Variants in SLC28A3 observed in about 807,000 individuals in gnomAD.
SLC28A3 encodes solute carrier family 28 member 3.
In SLC28A3, 68 loss-of-function variants were observed where a neutral mutation model predicts 84.2. That is an observed-to-expected ratio of 0.81 (90% CI 0.66 to 0.99). The LOEUF (loss-of-function observed/expected upper bound fraction) is 0.99, where lower values mean the gene tolerates loss of function less well. Among genes scored for constraint, SLC28A3 ranks in the 50% least tolerant of loss-of-function variants. The pLI is 0.00. For synonymous variants in SLC28A3, 267 were observed against 303.6 expected, an observed-to-expected ratio of 0.88 and a Z score of 1.25; for missense variants, 712 against 841.5, an observed-to-expected ratio of 0.85 and a Z score of 1.90.
the SLC28A3 span, among the ~76,000 whole-genome samples, chr9:84,347,654 C>A: frequency 6.6e-6 from 1 of 152,144 alleles, no homozygotes; most frequent in Admixed American, 6.5e-5. Context: ...CTTTGAAATC[C>A]TCAAAAAGTG....
At chr9:84,356,755 C>T in the SLC28A3 span, among the ~76,000 whole-genome samples, 1 of 151,820 alleles carries the variant, frequency 6.6e-6, no homozygotes, top group Non-Finnish European at 1.5e-5. Context: ...CACTTGAACC[C>T]GGGAAGCAGA....
At chr9:84,344,600 T>C (rs1416976460), upstream of SLC28A3, among the ~76,000 whole-genome samples, 3 of 152,194 alleles carry the variant, frequency 2.0e-5, no homozygotes, top group East Asian at 3.9e-4. Context: ...ACATGTTTCT[T>C]TGACATATTT....
chr9:84,362,986 CTG>C, the SLC28A3 span, among the ~76,000 whole-genome samples: 1 of 152,076 alleles, frequency 6.6e-6, no homozygotes, highest in South Asian at 2.1e-4. Flanking sequence ...TCTGGAATAA[CTG>C]TAATGTAATA....
chr9:84,302,866 A>G (rs997257801), intron 4 of SLC28A3, among the ~76,000 whole-genome samples: 1 of 152,188 alleles, frequency 6.6e-6, no homozygotes, highest in Non-Finnish European at 1.5e-5. Context: ...TAAGTGACAC[A>G]GAGTCTCTAA....
intron 1 of SLC28A3, among the ~76,000 whole-genome samples, chr9:84,316,229 C>G (rs1432504619): frequency 1.3e-5 from 2 of 152,182 alleles, no homozygotes; most frequent in African/African-American, 4.8e-5. Flanking sequence ...CATATAATAA[C>G]TTCTAGAACA....
intron 3 of SLC28A3, among the ~76,000 whole-genome samples, chr9:84,306,652 A>G (rs1036648960): frequency 6.6e-6 from 1 of 152,130 alleles, no homozygotes; most frequent in South Asian, 2.1e-4. Flanking sequence ...AGAACTTCTC[A>G]GTCCCCCAGG....
At chr9:84,285,145 G>A (rs539385460) in intron 14 of SLC28A3, among the ~76,000 whole-genome samples, 200 bp downstream of exon 14, 7 of 152,194 alleles carry the variant, frequency 4.6e-5, no homozygotes, top group Middle Eastern at 3.4e-3. Context: ...ACACACACAC[G>A]CACACTCTAA....
intron 1 of SLC28A3, among the ~76,000 whole-genome samples, chr9:84,323,565 C>T (rs2118523997): frequency 6.6e-6 from 1 of 152,048 alleles, no homozygotes; most frequent in South Asian, 2.1e-4. Flanking sequence ...GCTGGGAGTA[C>T]AGGCGTGTGC....
At chr9:84,347,227 A>AAAAG in the SLC28A3 span, among the ~76,000 whole-genome samples, 2,074 of 131,684 alleles carry the variant, frequency 0.016, 127 homozygotes, top group African/African-American at 0.065. Context: ...AAAAAAAAAA[A>AAAAG]AAGGGAAGAA....
chr9:84,331,480 T>TA (rs1408725627), intron 1 of SLC28A3, among the ~76,000 whole-genome samples: 1 of 152,210 alleles, frequency 6.6e-6, no homozygotes, highest in East Asian at 1.9e-4. Context: ...GACTTACACT[T>TA]ACATGATCTC....
At chr9:84,286,152 G>A in intron 12 of SLC28A3, 41 bp from the exon 13 acceptor site, 1 of 1,590,510 alleles carries the variant, frequency 6.3e-7, no homozygotes, top group East Asian at 2.2e-5. Flanking sequence ...CCAAGGAGTT[G>A]TCAGGGGATG....
intron 9 of SLC28A3, 130 bp downstream of exon 9, chr9:84,294,065 A>G: frequency 1.4e-6 from 1 of 722,602 alleles, no homozygotes; most frequent in Non-Finnish European, 2.3e-6. Context: ...CTAATCACTT[A>G]GGTGGTGATG....
intron 4 of SLC28A3, among the ~76,000 whole-genome samples, chr9:84,302,721 G>A (rs779785924): frequency 2.6e-5 from 4 of 152,140 alleles, no homozygotes; most frequent in Non-Finnish European, 5.9e-5. Context: ...AGTCTCGGCA[G>A]GTGAGCTACT....
At chr9:84,304,085 T>A (rs1825714892) in intron 4 of SLC28A3, among the ~76,000 whole-genome samples, 1 of 152,238 alleles carries the variant, frequency 6.6e-6, no homozygotes, top group South Asian at 2.1e-4. Flanking sequence ...CGTGATTGAT[T>A]CTTCAGTTGA....
At chr9:84,346,181 C>A in the SLC28A3 span, among the ~76,000 whole-genome samples, 1 of 152,198 alleles carries the variant, frequency 6.6e-6, no homozygotes, top group Non-Finnish European at 1.5e-5. Context: ...AATTCCTATA[C>A]CCCGTTCTGT....
Position 84,340,751 on chromosome 9 carries a change from T to C in SLC28A3, c.-118A>G. The C allele has an allele frequency of 1.7e-6, 2 of 1,181,902 alleles. No individual in the cohort carries two copies. Among genetic ancestry groups the C allele is most frequent in the Non-Finnish European group, 2.5e-6 (2 of 814,700 alleles). 73.2% of individuals were successfully genotyped at this position (1,181,902 alleles called of 1,614,324 possible). A position where few individuals can be genotyped will look rare whatever the true frequency, so the allele number is the denominator to read the frequency against. ...TTACAGGGACCTGGGCACAGCTTGC[T>C]TCAGTTTGGAAACTTCTGCAATAAT... On this transcript the variant is annotated 5_prime_UTR_variant, in exon 1 of 18. Coordinates refer to ENST00000376238, the MANE Select transcript of SLC28A3 (RefSeq NM_001199633.2).
chr9:84,361,272 G>A, the SLC28A3 span, among the ~76,000 whole-genome samples: 8 of 152,272 alleles, frequency 5.3e-5, no homozygotes, highest in South Asian at 6.2e-4. Context: ...TTGAACCTGG[G>A]AGGCAAAGGT....
chr9:84,311,853 T>G (rs1825999488), intron 2 of SLC28A3, among the ~76,000 whole-genome samples: 1 of 152,136 alleles, frequency 6.6e-6, no homozygotes. Flanking sequence ...AGATTCCATC[T>G]CAAAAAAACA....
the SLC28A3 span, among the ~76,000 whole-genome samples, chr9:84,355,718 T>C: frequency 1.3e-5 from 2 of 152,120 alleles, no homozygotes; most frequent in African/African-American, 4.8e-5. Flanking sequence ...ACGAGAATAC[T>C]TGTGCAATTG....
Sources: allele counts gnomAD v4.1 joint callset (sites outside exome capture counted in the v4.1 genomes callset), GRCh38; gene constraint gnomAD v4.1.1; transcripts MANE v1.5; gene names NCBI Gene and HGNC (gene_info 2026-07-23, HGNC 2026-07-21).